The following WDR7 variants were observed in gnomAD, a reference collection of about 807,000 sequenced individuals.
WDR7 encodes the protein WD repeat domain 7.
Under a neutral mutation model 169.4 loss-of-function variants are expected in WDR7, and 46 were observed. The ratio of observed to expected loss-of-function variants is 0.27; its 90% CI spans 0.21 to 0.35. The LOEUF (loss-of-function observed/expected upper bound fraction) is 0.35, where lower values mean the gene tolerates loss of function less well. Among genes scored for constraint, WDR7 ranks in the 10% least tolerant of loss-of-function variants. WDR7 has a pLI of 1.00. For synonymous variants in WDR7, 612 were observed against 666.8 expected, an observed-to-expected ratio of 0.92 and a Z score of 1.27; for missense variants, 1,534 against 1,859.3, an observed-to-expected ratio of 0.83 and a Z score of 3.22.
At chr18:56,763,033 T>C (rs2044002867) in intron 16 of WDR7, among the ~76,000 whole-genome samples, 1 of 152,052 alleles carries the variant, frequency 6.6e-6, no homozygotes, top group Non-Finnish European at 1.5e-5. Flanking sequence ...CGATCTCAGC[T>C]CACTGCAAGC....
chr18:56,788,599 CT>C lies in WDR7; in HGVS notation c.3190+6944del, dbSNP rs2044438051. Among the ~76,000 whole-genome samples, 4 of 152,244 alleles carry C rather than the reference CT, an allele frequency of 2.6e-5. No homozygotes were observed. In the South Asian group the frequency reaches 8.3e-4, roughly 32 times the overall value. Reference sequence around the variant, plus strand: ...CTCTTGGTTCCTCACTTTCTGCTTGCTGGACTACTTTCCTATCTCCTTTGTG... The same window carrying C: ...CTCTTGGTTCCTCACTTTCTGCTTGCGGACTACTTTCCTATCTCCTTTGTG... On this transcript the variant is annotated intron_variant, in intron 19 of 27. Coordinates refer to ENST00000254442, the MANE Select transcript of WDR7 (RefSeq NM_015285.3).
At chr18:56,811,343 T>G (rs2044865771) in intron 19 of WDR7, among the ~76,000 whole-genome samples, 1 of 152,178 alleles carries the variant, frequency 6.6e-6, no homozygotes, top group Non-Finnish European at 1.5e-5. Context: ...AATGCCAGAT[T>G]GTTTGTTTAC....
intron 26 of WDR7, among the ~76,000 whole-genome samples, chr18:56,980,828 G>A (rs935271325): frequency 2.0e-5 from 3 of 152,168 alleles, no homozygotes; most frequent in East Asian, 3.9e-4. Flanking sequence ...TGGGAGGAAA[G>A]GGAACCTGAC....
intron 26 of WDR7, among the ~76,000 whole-genome samples, chr18:56,967,721 C>T (rs1251543821): frequency 6.6e-6 from 1 of 152,128 alleles, no homozygotes; most frequent in African/African-American, 2.4e-5. Flanking sequence ...GTGGAGTATC[C>T]ACAGGGAATT....
intron 26 of WDR7, among the ~76,000 whole-genome samples, chr18:57,020,073 C>T (rs2048266285): frequency 6.6e-6 from 1 of 152,096 alleles, no homozygotes; most frequent in Non-Finnish European, 1.5e-5. Flanking sequence ...ATACAACTTC[C>T]TTTTTATTAT....
At chr18:56,754,562 G>A (rs144365489) in intron 14 of WDR7, among the ~76,000 whole-genome samples, 2,046 of 152,110 alleles carry the variant, frequency 0.013, 21 homozygotes, top group East Asian at 0.033. Flanking sequence ...GTGCGTGTAC[G>A]TGTGGATGAG....
At chr18:56,785,539 A>C (rs2044384859) in intron 19 of WDR7, among the ~76,000 whole-genome samples, 1 of 152,180 alleles carries the variant, frequency 6.6e-6, no homozygotes, top group African/African-American at 2.4e-5. Context: ...TATTTGTCTG[A>C]AAATCAGAAA....
At chr18:56,945,380 G>T (rs1198311257) in intron 25 of WDR7, among the ~76,000 whole-genome samples, 4 of 152,180 alleles carry the variant, frequency 2.6e-5, no homozygotes, top group Non-Finnish European at 2.9e-5. Flanking sequence ...CAGTGTGACT[G>T]CCCTAGAATA....
chr18:56,719,558 T>C (rs2026271543), intron 13 of WDR7, among the ~76,000 whole-genome samples: 1 of 87,914 alleles, frequency 1.1e-5, no homozygotes, highest in Non-Finnish European at 2.6e-5. Flanking sequence ...CGAGACTCTG[T>C]CTCAAAAAAA....
chr18:56,684,989 G>A (rs2025417293), intron 5 of WDR7, among the ~76,000 whole-genome samples: 1 of 152,056 alleles, frequency 6.6e-6, no homozygotes, highest in African/African-American at 2.4e-5. Flanking sequence ...ATCTGTATTT[G>A]TGACCAAGCG....
chr18:56,859,636 A>G (rs2045774297), intron 20 of WDR7, among the ~76,000 whole-genome samples: 2 of 152,222 alleles, frequency 1.3e-5, no homozygotes, highest in Admixed American at 6.5e-5. Context: ...CCCATTTTGA[A>G]TAAATGGATG....
intron 1 of WDR7, 62 bp from the exon 2 acceptor site, chr18:56,672,435 A>G: frequency 7.5e-7 from 1 of 1,326,010 alleles, no homozygotes; most frequent in Non-Finnish European, 9.9e-7. Context: ...TTATAACAAA[A>G]ATATATAACA....
chr18:56,970,189 A>G (rs1339153654), intron 26 of WDR7, among the ~76,000 whole-genome samples: 3 of 150,322 alleles, frequency 2.0e-5, no homozygotes, highest in Non-Finnish European at 4.4e-5. Context: ...ACTACTTCAT[A>G]CTGGCTAGAT....
intron 26 of WDR7, among the ~76,000 whole-genome samples, chr18:56,993,989 AT>A (rs1342714466): frequency 1.5e-5 from 2 of 134,880 alleles, no homozygotes; most frequent in African/African-American, 2.7e-5. Context: ...CTCTTTATTT[AT>A]TTTTTTCATC....
downstream of WDR7, chr18:57,032,909 C>G (rs2048450516): frequency 6.8e-6 from 1 of 147,242 alleles, no homozygotes; most frequent in Non-Finnish European, 1.5e-5. Flanking sequence ...CCGAAAACAT[C>G]CCCAACCACC....
chr18:56,844,175 T>A (rs1229324134), intron 20 of WDR7, among the ~76,000 whole-genome samples: 4 of 149,064 alleles, frequency 2.7e-5, no homozygotes, highest in South Asian at 2.1e-4. Context: ...TTTTTTTTTT[T>A]AAATAATAGC....
intron 26 of WDR7, among the ~76,000 whole-genome samples, chr18:56,973,996 G>C (rs1302601305): frequency 6.6e-6 from 1 of 152,094 alleles, no homozygotes; most frequent in Non-Finnish European, 1.5e-5. Context: ...CTCTTTTATG[G>C]TGGGACCAAA....
intron 7 of WDR7, among the ~76,000 whole-genome samples, 187 bp from the exon 8 acceptor site, chr18:56,691,029 G>T (rs1266209855): frequency 6.6e-6 from 1 of 152,258 alleles, no homozygotes; most frequent in East Asian, 1.9e-4. Flanking sequence ...ATAACTAGGG[G>T]CCTAGTTGTG....
At chr18:57,011,821 A>T (rs947624806) in intron 26 of WDR7, among the ~76,000 whole-genome samples, 7 of 152,232 alleles carry the variant, frequency 4.6e-5, no homozygotes, top group Non-Finnish European at 8.8e-5. Flanking sequence ...AGAGAGTTTT[A>T]GGATTGCATT....
Sources: allele counts gnomAD v4.1 joint callset (sites outside exome capture counted in the v4.1 genomes callset), GRCh38; gene constraint gnomAD v4.1.1; transcripts MANE v1.5; gene names NCBI Gene and HGNC (gene_info 2026-07-23, HGNC 2026-07-21).